TMEM51: variants seen among roughly 807,000 people sequenced by gnomAD.
TMEM51 encodes the protein chromosome 1 open reading frame 72.
TMEM51 carries 8 observed loss-of-function variants against 13.6 expected under a neutral mutation model. The ratio of observed to expected loss-of-function variants is 0.59; its 90% CI spans 0.35 to 1.07. TMEM51 has a LOEUF of 1.07. Among genes scored for constraint, TMEM51 ranks in the 50% least tolerant of loss-of-function variants. The pLI is 0.02. For missense variants in TMEM51, 279 were observed against 330.7 expected (o/e 0.84, Z 1.21); for synonymous variants, 147 against 144.4 (o/e 1.02, Z -0.13).
In TMEM51 at chr1:15,193,799, C is replaced by T. The variant is rs548580988; in HGVS notation, c.-266-16691C>T. On this transcript the variant is annotated intron_variant, in intron 1 of 3. Transcript: ENST00000376008. ...CTCGAACTCCTGACCTCAGGTGATC[C>T]AACTGCCTTGGCCTCCCAGAGTGCT... Among the ~76,000 whole-genome samples, 5 of 152,284 alleles carry T rather than the reference C, an allele frequency of 3.3e-5. No homozygotes were observed. The South Asian group carries it at 1.0e-3, about 32-fold the overall frequency.
At position 15,215,376 on chromosome 1, in the gene TMEM51, C is replaced by G. The variant is rs1479873444; in HGVS notation, c.289C>G (p.Leu97Val). The G allele has an allele frequency of 1.2e-6, 2 of 1,610,882 alleles. No individual in the cohort carries two copies. The highest frequency in any genetic ancestry group is 1.7e-6 in the Non-Finnish European group (2 of 1,179,864). Residue 97 changes from leucine to valine, a missense_variant, in exon 3 of 4, where the codon CTG becomes GTG. Physicochemically the swap from Leu to Val is conservative, Grantham distance 32. Coordinates refer to ENST00000376008, the MANE Select transcript of TMEM51 (RefSeq NM_001136218.2). Reference protein sequence around the residue: ...DKRKQRQGEDLAHVQHPTGAG... With the variant: ...DKRKQRQGEDVAHVQHPTGAG... Reference sequence around the variant, plus strand: ...GAGGAAGCAGCGGCAGGGCGAGGACCTGGCCCATGTCCAGCACCCGACAGG... The same window carrying G: ...GAGGAAGCAGCGGCAGGGCGAGGACGTGGCCCATGTCCAGCACCCGACAGG...
intron 1 of TMEM51, among the ~76,000 whole-genome samples, chr1:15,198,767 G>A (rs527908782): frequency 1.3e-5 from 2 of 152,290 alleles, no homozygotes; most frequent in South Asian, 4.1e-4. Flanking sequence ...CATCAGACCA[G>A]TGAATTGGCA....
At chr1:15,153,505 A>G (rs1642466452), upstream of TMEM51, among the ~76,000 whole-genome samples, 1 of 124,910 alleles carries the variant, frequency 8.0e-6, no homozygotes, top group South Asian at 3.0e-4. Flanking sequence ...CTCGGCTGGC[A>G]AGGGTTGGGG....
intron 1 of TMEM51, among the ~76,000 whole-genome samples, chr1:15,175,875 C>T (rs1643442771): frequency 6.6e-6 from 1 of 152,212 alleles, no homozygotes; most frequent in Non-Finnish European, 1.5e-5. Flanking sequence ...TGGGTGGGCG[C>T]ACAGCCAAAC....
At chr1:15,171,064 G>A in intron 1 of TMEM51, 2 of 866,780 alleles carry the variant, frequency 2.3e-6, no homozygotes, top group Non-Finnish European at 3.2e-6. Context: ...GGGGTGGGGG[G>A]CTTGTTAAAA....
intron 1 of TMEM51, among the ~76,000 whole-genome samples, chr1:15,164,844 C>CCAGAGTG (rs1455685626): frequency 1.4e-5 from 2 of 145,366 alleles, no homozygotes; most frequent in African/African-American, 5.2e-5. Context: ...CGCTCTGTCG[C>CCAGAGTG]CAGGCCAGAG....
chr1:15,188,409 T>C (rs1643850762), intron 1 of TMEM51, among the ~76,000 whole-genome samples: 1 of 152,134 alleles, frequency 6.6e-6, no homozygotes, highest in Non-Finnish European at 1.5e-5. Flanking sequence ...CCTTAGAACC[T>C]GCAAGGAAGA....
At chr1:15,188,588 C>A (rs1306314660) in intron 1 of TMEM51, among the ~76,000 whole-genome samples, 3 of 152,236 alleles carry the variant, frequency 2.0e-5, no homozygotes, top group African/African-American at 7.2e-5. Context: ...GCTTTACACT[C>A]CAGAAAGACA....
At chr1:15,187,206 C>T (rs967846529) in intron 1 of TMEM51, among the ~76,000 whole-genome samples, 7 of 151,646 alleles carry the variant, frequency 4.6e-5, no homozygotes, top group Non-Finnish European at 1.0e-4. Flanking sequence ...ATCCACCCCT[C>T]CCCGAGTCAG....
At chr1:15,152,847 C>T (rs1490245365), upstream of TMEM51, 1 of 152,202 alleles carries the variant, frequency 6.6e-6, no homozygotes, top group Admixed American at 6.5e-5. Context: ...CGTGGCGGCT[C>T]CGGGCCTCCG....
At chr1:15,217,196 GA>G (rs1032973294) in intron 3 of TMEM51, among the ~76,000 whole-genome samples, 2 of 151,438 alleles carry the variant, frequency 1.3e-5, no homozygotes, top group African/African-American at 2.4e-5. Flanking sequence ...CACACCAGAA[GA>G]AAAAAAAATC....
chr1:15,217,448 G>T (rs764259598), intron 3 of TMEM51, among the ~76,000 whole-genome samples: 4 of 152,052 alleles, frequency 2.6e-5, no homozygotes, highest in Non-Finnish European at 5.9e-5. Flanking sequence ...TATTGGTCAG[G>T]GTTCTCCAGA....
intron 1 of TMEM51, among the ~76,000 whole-genome samples, chr1:15,195,197 T>C (rs1573425434): frequency 6.6e-6 from 1 of 152,086 alleles, no homozygotes; most frequent in Admixed American, 6.6e-5. Flanking sequence ...CCTCCCAAAG[T>C]GCTGGGATTA....
Position 15,220,138 on chromosome 1 carries a change from A to T in TMEM51, c.*395A>T, listed in dbSNP as rs1274931226. The T allele has an allele frequency of 4.9e-6, 1 of 202,298 alleles. No homozygotes were observed. Among genetic ancestry groups the T allele is most frequent in the East Asian group, 1.2e-4 (1 of 8,646 alleles). The allele number at this position is 202,298 out of a possible 1,614,324, so 12.5% of individuals were successfully genotyped here. ...CTAAGACTGTTTTGTTTCAAAAAGG[A>T]AACAAGTTTTGTGTTTGCTGTCTAC... On this transcript the variant is annotated 3_prime_UTR_variant, in exon 4 of 4. Coordinates refer to ENST00000376008, the MANE Select transcript of TMEM51 (RefSeq NM_001136218.2).
intron 2 of TMEM51, among the ~76,000 whole-genome samples, chr1:15,211,258 A>G (rs1459881851): frequency 6.6e-6 from 1 of 152,072 alleles, no homozygotes; most frequent in Non-Finnish European, 1.5e-5. Context: ...TTCTTTTTGG[A>G]ATACTTGAAA....
intron 1 of TMEM51, among the ~76,000 whole-genome samples, chr1:15,200,679 T>C (rs988166167): frequency 4.6e-5 from 7 of 152,156 alleles, no homozygotes; most frequent in African/African-American, 1.7e-4. Context: ...TTAATCTCTC[T>C]TCCCCTCCCC....
intron 1 of TMEM51, among the ~76,000 whole-genome samples, chr1:15,171,666 C>T (rs1643281001): frequency 6.6e-6 from 1 of 152,210 alleles, no homozygotes; most frequent in Non-Finnish European, 1.5e-5. Context: ...ACTTCCATCT[C>T]CCAGCTTTCC....
upstream of TMEM51, chr1:15,153,654 C>T (rs910514733): frequency 5.9e-5 from 9 of 151,512 alleles, no homozygotes; most frequent in South Asian, 8.3e-4. Context: ...GAGGGTCGGC[C>T]GGTGGGCGGT....
chr1:15,211,463 AACTTACTGTTGTGCTGGT>A (rs1413052036), intron 2 of TMEM51, among the ~76,000 whole-genome samples: 8 of 152,230 alleles, frequency 5.3e-5, no homozygotes, highest in African/African-American at 9.6e-5. Flanking sequence ...TCTGTTTAAG[AACTTACTGTTGTGCTGGT>A]CACATACTGT....
Sources: gnomAD v4.1 joint callset for allele counts (sites outside exome capture counted in the v4.1 genomes callset) on GRCh38, gnomAD v4.1.1 for gene constraint, MANE v1.5 for transcripts, NCBI Gene and HGNC (gene_info 2026-07-23, HGNC 2026-07-21) for gene names.